NBEA: variants seen among roughly 807,000 people sequenced by gnomAD.
NBEA encodes the protein lysosomal-trafficking regulator 2.
Under a neutral mutation model 343.4 loss-of-function variants are expected in NBEA, and 44 were observed. The observed-to-expected ratio is 0.13, with a 90% CI of 0.10 to 0.16. The LOEUF is 0.16. Among genes scored for constraint, NBEA ranks in the 10% least tolerant of loss-of-function variants. The probability of loss-of-function intolerance (pLI) is 1.00; values close to 1 mark genes in which losing one functional copy is unlikely to be tolerated. For synonymous variants in NBEA, 1,175 were observed against 1,238.7 expected, an observed-to-expected ratio of 0.95 and a Z score of 1.08; for missense variants, 2,555 against 3,631.3, an observed-to-expected ratio of 0.70 and a Z score of 7.62.
At chr13:34,977,544 G>A (rs1448491899) in intron 1 of NBEA, among the ~76,000 whole-genome samples, 1 of 152,034 alleles carries the variant, frequency 6.6e-6, no homozygotes, top group African/African-American at 2.4e-5. Context: ...CCTGACCTCA[G>A]GTGATCCTCC....
chr13:35,527,032 C>T (rs1317639419), intron 41 of NBEA, among the ~76,000 whole-genome samples: 1 of 152,080 alleles, frequency 6.6e-6, no homozygotes, highest in Non-Finnish European at 1.5e-5. Flanking sequence ...CTTCCTCTCT[C>T]CTTCTCTCTT....
At chr13:35,006,583 C>T (rs894236394) in intron 1 of NBEA, among the ~76,000 whole-genome samples, 5 of 152,118 alleles carry the variant, frequency 3.3e-5, no homozygotes, top group African/African-American at 1.2e-4. Context: ...AAGCTTCCAT[C>T]TGGGCTCATT....
chr13:34,950,902 A>C (rs146553950), intron 1 of NBEA, among the ~76,000 whole-genome samples: 70 of 152,226 alleles, frequency 4.6e-4, no homozygotes, highest in African/African-American at 1.6e-3. Flanking sequence ...CAACCTAAGC[A>C]ACAACCCTGG....
intron 8 of NBEA, among the ~76,000 whole-genome samples, chr13:35,067,828 C>T (rs554438502): frequency 5.5e-4 from 84 of 152,114 alleles, no homozygotes; most frequent in South Asian, 4.4e-3. Context: ...TCTCAAAATC[C>T]TGGACTTGGT....
chr13:35,471,397 CTG>C (rs2152958234), intron 40 of NBEA, among the ~76,000 whole-genome samples: 1 of 152,278 alleles, frequency 6.6e-6, no homozygotes, highest in Non-Finnish European at 1.5e-5. Context: ...ACGCATCTGA[CTG>C]TATGCATTTG....
chr13:35,171,232 C>T, intron 25 of NBEA, 40 bp from the exon 26 acceptor site: 1 of 1,570,932 alleles, frequency 6.4e-7, no homozygotes, highest in South Asian at 1.1e-5. Flanking sequence ...TCCAAATTTC[C>T]AAATTTTAAA....
chr13:35,279,090 G>A (rs140507244), intron 34 of NBEA, among the ~76,000 whole-genome samples: 193 of 152,306 alleles, frequency 1.3e-3, no homozygotes, highest in African/African-American at 4.5e-3. Context: ...ACTGCAGGCT[G>A]TGATTCATTA....
intron 22 of NBEA, among the ~76,000 whole-genome samples, chr13:35,160,654 A>G (rs1277752407): frequency 2.0e-5 from 3 of 152,156 alleles, no homozygotes; most frequent in African/African-American, 7.2e-5. Context: ...GTTCAACCAC[A>G]TGAATAGAAA....
chr13:35,337,133 A>AGACC (rs1204044319), intron 36 of NBEA, among the ~76,000 whole-genome samples: 8 of 152,250 alleles, frequency 5.3e-5, no homozygotes, highest in Middle Eastern at 3.4e-3. Context: ...AAACAAATAG[A>AGACC]AAAATGGCAG....
At chr13:35,129,868 A>G (rs1414629131) in intron 17 of NBEA, among the ~76,000 whole-genome samples, 1 of 152,112 alleles carries the variant, frequency 6.6e-6, no homozygotes, top group Non-Finnish European at 1.5e-5. Context: ...AGTTAGCCAT[A>G]TAATATTAAA....
chr13:35,516,020 C>T (rs994868803), intron 41 of NBEA, among the ~76,000 whole-genome samples: 1 of 152,086 alleles, frequency 6.6e-6, no homozygotes, highest in Non-Finnish European at 1.5e-5. Context: ...CATGAAATCC[C>T]TTCTGATTAT....
rs544529455 is a variant in NBEA, at chr13:35,264,749, C to G, written c.5777-25640C>G. On this transcript the variant is annotated intron_variant, in intron 34 of 58. Transcript: ENST00000379939. ...ACTTCAGAAGGAATATACCTCAACA[C>G]AATAATGGGCATTCTGACAAACACG... Among the ~76,000 whole-genome samples the G allele has an allele frequency of 3.2e-4, 48 of 151,910 alleles. No individual in the cohort carries two copies. The South Asian group carries it at 8.9e-3, about 28-fold the overall frequency.
chr13:35,485,303 A>G lies in NBEA; in HGVS notation c.6585+12767A>G, dbSNP rs141603311. On this transcript the variant is annotated intron_variant, in intron 41 of 58. Coordinates refer to ENST00000379939, the MANE Select transcript of NBEA (RefSeq NM_001385012.1). ...GAACTGTCCTCTCCATCTTTAACCTATTTCCTTCAATATACTTAATTAATC... is the reference window on the plus strand; with the variant it reads ...GAACTGTCCTCTCCATCTTTAACCTGTTTCCTTCAATATACTTAATTAATC... Among the ~76,000 whole-genome samples the G allele has an allele frequency of 3.4e-4, 51 of 152,062 alleles. 1 individual carries two copies. The highest frequency in any genetic ancestry group is 1.1e-3 in the African/African-American group (45 of 41,490).
intron 44 of NBEA, among the ~76,000 whole-genome samples, chr13:35,560,039 G>T (rs1452713716): frequency 6.6e-6 from 1 of 151,540 alleles, no homozygotes; most frequent in Non-Finnish European, 1.5e-5. Context: ...GCCAAACATT[G>T]TTCTAAGGAC....
intron 34 of NBEA, among the ~76,000 whole-genome samples, chr13:35,234,054 G>A (rs2075106646): frequency 6.6e-6 from 1 of 152,112 alleles, no homozygotes. Context: ...ATGATAGAAA[G>A]ATGTTCTTGG....
rs769963205 is a variant in NBEA at position 35,045,300 on chromosome 13, C to G, written c.628-6C>G. 1.4e-5 allele frequency: 23 copies of G among 1,597,844 alleles called. No individual in the cohort carries two copies. Among genetic ancestry groups the G allele is most frequent in the Non-Finnish European group, 1.9e-5 (22 of 1,170,360 alleles). On this transcript the variant is annotated splice_polypyrimidine_tract_variant and splice_region_variant and intron_variant, in intron 3 of 58. Transcript: ENST00000379939. ...ATGACATTTCTTTCTTTTATTGTTT[C>G]CCCAGCCAAGACATGCAGTAAAATT...
In NBEA at chr13:35,489,177, C is replaced by T. The variant is rs543586521; in HGVS notation, c.6585+16641C>T. 5.3e-5 allele frequency among the ~76,000 whole-genome samples: 8 copies of T among 151,674 alleles called. No homozygotes were observed. The South Asian group carries it at 1.7e-3, about 32-fold the overall frequency. On this transcript the variant is annotated intron_variant, in intron 41 of 58. Coordinates refer to ENST00000379939, the MANE Select transcript of NBEA (RefSeq NM_001385012.1). ...CAAAGACAGCCTGCCTGAAATTTGG[C>T]TTTCTTGCAGTTTGTATCTTGAATG... is the stretch of plus-strand genomic sequence containing the variant.
At chr13:35,063,597 T>G (rs1162698061) in intron 8 of NBEA, among the ~76,000 whole-genome samples, 2 of 152,002 alleles carry the variant, frequency 1.3e-5, no homozygotes, top group Non-Finnish European at 1.5e-5. Context: ...AGGATTGTTA[T>G]GACTTTATTT....
chr13:35,222,548 G>A (rs2074427705), intron 33 of NBEA, among the ~76,000 whole-genome samples: 1 of 151,786 alleles, frequency 6.6e-6, no homozygotes, highest in Non-Finnish European at 1.5e-5. Context: ...CCTCTGTTGG[G>A]TTAATGGAGT....
Sources: gnomAD v4.1 joint callset for allele counts (sites outside exome capture counted in the v4.1 genomes callset) on GRCh38, gnomAD v4.1.1 for gene constraint, MANE v1.5 for transcripts, NCBI Gene and HGNC (gene_info 2026-07-23, HGNC 2026-07-21) for gene names.